CTNNA3: variants seen among roughly 807,000 people sequenced by gnomAD.
CTNNA3 encodes catenin alpha 3.
Under a neutral mutation model 95.7 loss-of-function variants are expected in CTNNA3, and 76 were observed. The ratio of observed to expected loss-of-function variants is 0.79; its 90% confidence interval spans 0.66 to 0.96. The LOEUF is 0.96. Among genes scored for constraint, CTNNA3 ranks in the 40% least tolerant of loss-of-function variants. The probability of loss-of-function intolerance (pLI) is 0.00; values close to 1 mark genes in which losing one functional copy is unlikely to be tolerated. For missense variants in CTNNA3, 1,191 were observed against 1,089.8 expected (o/e 1.09, Z -1.31); for synonymous variants, 431 against 374.4 (o/e 1.15, Z -1.74).
At chr10:66,373,784 T>A (rs1349542588) in intron 12 of CTNNA3, among the ~76,000 whole-genome samples, 1 of 152,220 alleles carries the variant, frequency 6.6e-6, no homozygotes, top group African/African-American at 2.4e-5. Context: ...TTCAGTCAGA[T>A]CTTTCAACAG....
chr10:66,722,874 G>A (rs1313040939), intron 9 of CTNNA3, among the ~76,000 whole-genome samples: 1 of 152,142 alleles, frequency 6.6e-6, no homozygotes, highest in Non-Finnish European at 1.5e-5. Context: ...GACTTGGCAT[G>A]ACAGTCCTTG....
At chr10:66,600,809 T>C (rs1181496465) in intron 10 of CTNNA3, among the ~76,000 whole-genome samples, 6 of 151,914 alleles carry the variant, frequency 3.9e-5, no homozygotes, top group Admixed American at 1.3e-4. Flanking sequence ...GTCAAAAGCA[T>C]TGCAGACTTA....
At chr10:67,722,648 C>T (rs181687428) in intron 1 of CTNNA3, among the ~76,000 whole-genome samples, 6 of 152,252 alleles carry the variant, frequency 3.9e-5, no homozygotes, top group East Asian at 1.9e-4. Flanking sequence ...GAAGCACTAA[C>T]GCCTCCAGAA....
chr10:66,859,160 G>A (rs1483071436), intron 7 of CTNNA3, among the ~76,000 whole-genome samples: 4 of 152,010 alleles, frequency 2.6e-5, no homozygotes, highest in Non-Finnish European at 5.9e-5. Flanking sequence ...GGAGACTGAG[G>A]AGTGTGTATT....
intron 17 of CTNNA3, among the ~76,000 whole-genome samples, chr10:65,962,668 C>T (rs2077871281): frequency 2.0e-5 from 3 of 151,980 alleles, no homozygotes; most frequent in African/African-American, 4.8e-5. Context: ...CAACCCATCA[C>T]CTACATTAGG....
chr10:66,357,392 GT>G (rs575921276), intron 12 of CTNNA3, among the ~76,000 whole-genome samples: 171 of 152,014 alleles, frequency 1.1e-3, no homozygotes, highest in Non-Finnish European at 2.0e-3. Flanking sequence ...AATTCAGTGC[GT>G]TTTGGTATAT....
At chr10:66,744,989 A>G (rs1425811962) in intron 9 of CTNNA3, among the ~76,000 whole-genome samples, 2 of 152,202 alleles carry the variant, frequency 1.3e-5, no homozygotes, top group Non-Finnish European at 2.9e-5. Flanking sequence ...ACTAACACAA[A>G]AGCTCTTTAA....
At chr10:67,508,019 T>C (rs963305484) in intron 5 of CTNNA3, among the ~76,000 whole-genome samples, 1 of 152,138 alleles carries the variant, frequency 6.6e-6, no homozygotes, top group Non-Finnish European at 1.5e-5. Flanking sequence ...TTTTGTTGTT[T>C]GTTTGTTTGT....
At chr10:67,271,924 T>C (rs1295540981) in intron 5 of CTNNA3, among the ~76,000 whole-genome samples, 3 of 152,188 alleles carry the variant, frequency 2.0e-5, no homozygotes, top group Non-Finnish European at 2.9e-5. Flanking sequence ...ACCAACCAGA[T>C]GGCTTAATTG....
At chr10:67,237,122 GTATGTATATATATATA>G (rs56697266) in intron 5 of CTNNA3, among the ~76,000 whole-genome samples, 2,215 of 79,598 alleles carry the variant, frequency 0.028, 234 homozygotes, top group Non-Finnish European at 0.04. Flanking sequence ...AAACTATGGT[GTATGTATATATATATA>G]TATATATATA....
chr10:67,163,185 T>G (rs1032609775), intron 7 of CTNNA3, among the ~76,000 whole-genome samples: 2 of 151,986 alleles, frequency 1.3e-5, no homozygotes, highest in African/African-American at 4.8e-5. Flanking sequence ...TGCAAATTAA[T>G]ACTCTTCATT....
At chr10:67,502,933 C>T (rs1044646618) in intron 5 of CTNNA3, among the ~76,000 whole-genome samples, 1 of 152,200 alleles carries the variant, frequency 6.6e-6, no homozygotes, top group African/African-American at 2.4e-5. Flanking sequence ...CTGAGCTACA[C>T]CACTTGGCTC....
At chr10:67,008,327 C>G (rs1392675386) in intron 7 of CTNNA3, among the ~76,000 whole-genome samples, 2 of 152,032 alleles carry the variant, frequency 1.3e-5, no homozygotes, top group East Asian at 3.9e-4. Context: ...CCATAGTGCT[C>G]ATGGTTTTTA....
At chr10:67,476,159 G>T (rs192730984) in intron 5 of CTNNA3, among the ~76,000 whole-genome samples, 1 of 152,072 alleles carries the variant, frequency 6.6e-6, no homozygotes, top group Non-Finnish European at 1.5e-5. Flanking sequence ...ATTTAAACCC[G>T]CGAGTGCACT....
At chr10:66,428,939 C>G (rs1004766709) in intron 11 of CTNNA3, among the ~76,000 whole-genome samples, 10 of 151,780 alleles carry the variant, frequency 6.6e-5, no homozygotes, top group African/African-American at 2.4e-4. Flanking sequence ...CACAAAAAAC[C>G]CTTCAAAAAA....
At chr10:66,840,372 T>A (rs12773462) in intron 7 of CTNNA3, among the ~76,000 whole-genome samples, 1,708 of 70,840 alleles carry the variant, frequency 0.024, 19 homozygotes, top group African/African-American at 0.038. Context: ...TCTCTCTCTC[T>A]CACACACACA....
At chr10:67,367,586 A>T (rs1843263069) in intron 5 of CTNNA3, among the ~76,000 whole-genome samples, 1 of 152,188 alleles carries the variant, frequency 6.6e-6, no homozygotes, top group Admixed American at 6.5e-5. Flanking sequence ...AAGGACAATT[A>T]TTCATTCAAC....
At chr10:67,097,898 C>A in intron 7 of CTNNA3, 1 of 976,748 alleles carries the variant, frequency 1.0e-6, no homozygotes, top group Non-Finnish European at 1.5e-6. Context: ...AAACAAAACA[C>A]AAAATCCCCT....
chr10:65,986,418 C>A (rs2078429480), intron 16 of CTNNA3, among the ~76,000 whole-genome samples: 1 of 150,068 alleles, frequency 6.7e-6, no homozygotes, highest in Non-Finnish European at 1.5e-5. Context: ...TTTTTACACA[C>A]AAATAGTGAA....
Sources: allele counts gnomAD v4.1 joint callset (sites outside exome capture counted in the v4.1 genomes callset), GRCh38; gene constraint gnomAD v4.1.1; transcripts MANE v1.5; gene names NCBI Gene and HGNC (gene_info 2026-07-23, HGNC 2026-07-21).